The following CPT1B variants were observed in gnomAD, a reference collection of about 807,000 sequenced individuals.
The protein encoded by CPT1B is carnitine O-palmitoyltransferase 1, muscle isoform.
In CPT1B, 57 loss-of-function variants were observed where a neutral mutation model predicts 92.7. That is an observed-to-expected ratio of 0.62 (90% CI 0.50 to 0.77). The LOEUF is 0.77. Among genes scored for constraint, CPT1B ranks in the 30% least tolerant of loss-of-function variants. CPT1B has a pLI of 0.00. For missense variants in CPT1B, 983 were observed against 1,017.4 expected (o/e 0.97, Z 0.46); for synonymous variants, 398 against 383.5 (o/e 1.04, Z -0.44).
Position 50,573,401 on chromosome 22 carries a change from T to C in CPT1B, c.1166+119A>G, listed in dbSNP as rs2070278879. 3.4e-6 allele frequency: 3 copies of C among 887,268 alleles called. No individual in the cohort carries two copies. The highest frequency in any genetic ancestry group is 3.4e-6 in the Non-Finnish European group (2 of 584,688). 55.0% of individuals were successfully genotyped at this position (887,268 alleles called of 1,614,324 possible). A position where few individuals can be genotyped will look rare whatever the true frequency, so the allele number is the denominator to read the frequency against. ...GCTGTCCTGCTGCCATGACCACCAA[T>C]GCCCCTCCCCTAGTTGTGCCTCCAG... On this transcript the variant is annotated intron_variant, in intron 10 of 19. Transcript: ENST00000312108. The surrounding 1 kb of genome is among the most constrained non-coding windows in gnomAD (Gnocchi z 5.0).
chr22:50,572,905 T>C lies in CPT1B; in HGVS notation c.1322A>G (p.Lys441Arg). Residue 441 changes from lysine (K) to arginine (R), a missense_variant, in exon 11 of 20, where the codon AAG becomes AGG. By Grantham distance (26) the Lys-to-Arg change is conservative (BLOSUM62 2). Coordinates refer to ENST00000312108, the MANE Select transcript of CPT1B (RefSeq NM_152246.3). ...EDEASLSLYG[K>R]ALLHGNCYNR... is the part of the protein sequence containing the mutation. Reference sequence around the variant, plus strand: ...GTAGCAGTTGCCATGTAGCAGGGCCTTGCCATAGAGGCTGAGGCTGGCCTC... The same window carrying C: ...GTAGCAGTTGCCATGTAGCAGGGCCCTGCCATAGAGGCTGAGGCTGGCCTC... 1 of 1,610,908 alleles carries C rather than the reference T, an allele frequency of 6.2e-7. No homozygotes were observed. The highest frequency in any genetic ancestry group is 8.5e-7 in the Non-Finnish European group (1 of 1,177,420).
At position 50,573,628 on chromosome 22, in the gene CPT1B, C is replaced by A; in HGVS notation, c.1058G>T (p.Arg353Leu). ...FFKLWLYEGA[R>L]LLKPQDLEMQ... The stretch of plus-strand genomic sequence containing the variant: ...CTCCAGATCCTGAGGCTTGAGCAGA[C>A]GGGCGCCCTCATAGAGCCACAGCTT... The change falls in exon 10 of 20, where the codon CGT (arginine) becomes CTT (leucine). Residue 353 changes from arginine to leucine, a missense_variant. Arg to Leu is a moderately radical substitution (Grantham distance 102). Transcript: ENST00000312108. The surrounding 1 kb of genome is among the most constrained non-coding windows in gnomAD (Gnocchi z 5.0). 1 of 1,613,472 alleles carries A rather than the reference C, an allele frequency of 6.2e-7. No homozygotes were observed. The highest frequency in any genetic ancestry group is 1.1e-5 in the South Asian group (1 of 91,088).
rs7238 is a variant in CPT1B at position 50,569,059 on chromosome 22, A to G, written c.*25T>C. The G allele has an allele frequency of 0.17, 55,433 of 333,274 alleles. 9,182 individuals carry two copies. The highest frequency in any genetic ancestry group is 0.56 in the African/African-American group (25,688 of 45,866). The allele number at this position is 333,274 out of a possible 1,614,324, so 20.6% of individuals were successfully genotyped here. A position where few individuals can be genotyped will look rare whatever the true frequency, so the allele number is the denominator to read the frequency against. ...GAGGGGGAGGGCCTCCGAGTTCCCA[A>G]ACAAAACACAGGTACCTAAGGGCTG... On this transcript the variant is annotated 3_prime_UTR_variant, in exon 20 of 20. Transcript: ENST00000312108.
At chr22:50,572,332 A>G in intron 11 of CPT1B, 24 bp from the exon 12 acceptor site, 1 of 1,544,248 alleles carries the variant, frequency 6.5e-7, no homozygotes. Context: ...AGACACATGA[A>G]GAACCAAAGC....
rs750571393 is a variant in CPT1B at position 50,577,032 on chromosome 22, C to A, written c.284G>T (p.Cys95Phe). The change falls in exon 4 of 20, where the codon TGT becomes TTT. Residue 95 changes from cysteine (C) to phenylalanine (F), a missense_variant and splice_region_variant. By Grantham distance (205) the Cys-to-Phe change is radical. Transcript: ENST00000312108. ...GGTCTGCGGGGTCTGGTAGGGGCCA[C>A]ACCTATTGGAGAGGGGCAAGGGCTG... is the stretch of plus-strand genomic sequence containing the variant. ...SCIQRCLPQG[C>F]GPYQTPQTRA... The A allele has an allele frequency of 6.2e-7, 1 of 1,613,860 alleles. No individual in the cohort carries two copies. Among genetic ancestry groups the A allele is most frequent in the South Asian group, 1.1e-5 (1 of 91,086 alleles).
Position 50,570,907 on chromosome 22 carries a change from G to A in CPT1B, c.2012C>T (p.Ser671Phe), listed in dbSNP as rs942028894. The A allele has an allele frequency of 6.2e-7, 1 of 1,613,656 alleles. No individual in the cohort carries two copies. The highest frequency in any genetic ancestry group is 8.5e-7 in the Non-Finnish European group (1 of 1,179,984). Residue 671 changes from serine (S) to phenylalanine (F), a missense_variant, in exon 16 of 20, where the codon TCT becomes TTT. Coordinates refer to ENST00000312108, the MANE Select transcript of CPT1B (RefSeq NM_152246.3). Reference sequence around the variant, plus strand: ...GGTGCTGACCTCAGCAAGGAAAGGAGAGCTGACTCCTAGGTACTTGGAGAC... The same window carrying A: ...GGTGCTGACCTCAGCAAGGAAAGGAAAGCTGACTCCTAGGTACTTGGAGAC... ...YLVSKYLGVS[S>F]PFLAEVLSEP...
Position 50,572,910 on chromosome 22 carries a change from A to G in CPT1B, c.1317T>C (p.Tyr439=). Residue 439 remains tyrosine, a synonymous_variant, in exon 11 of 20, where the codon TAT becomes TAC. Coordinates refer to ENST00000312108, the MANE Select transcript of CPT1B (RefSeq NM_152246.3). ...AGTTGCCATGTAGCAGGGCCTTGCC[A>G]TAGAGGCTGAGGCTGGCCTCATCTT... ...DPEDEASLSL[Y]GKALLHGNCY... 6.2e-7 allele frequency: 1 copy of G among 1,611,504 alleles called. No individual in the cohort carries two copies. Among genetic ancestry groups the G allele is most frequent in the African/African-American group, 1.3e-5 (1 of 74,994 alleles).
chr22:50,571,759 GC>G (rs1783499891), intron 13 of CPT1B: 1 of 640,712 alleles, frequency 1.6e-6, no homozygotes, highest in Admixed American at 2.9e-5. Flanking sequence ...TGCTCCAGGG[GC>G]CTGTGAGTGC....
chr22:50,575,980 T>C, intron 7 of CPT1B, 55 bp downstream of exon 7: 1 of 1,556,434 alleles, frequency 6.4e-7, no homozygotes, highest in Middle Eastern at 1.8e-4. Context: ...ATCCCTTGCC[T>C]TGGAGCTGGG....
At chr22:50,574,698 T>C (rs2070353498) in intron 7 of CPT1B, 98 bp from the exon 8 acceptor site, 1 of 867,112 alleles carries the variant, frequency 1.2e-6, no homozygotes, top group Non-Finnish European at 1.9e-6. Flanking sequence ...CCTGAGGTGT[T>C]CTGTCTCCCT....
Position 50,573,636 on chromosome 22 carries a change from C to T in CPT1B, c.1050G>A (p.Glu350=). ...CCTGAGGCTTGAGCAGACGGGCGCC[C>T]TCATAGAGCCACAGCTTGAAGAAGC... is the stretch of plus-strand genomic sequence containing the variant. The part of the protein sequence containing the change: ...KGRFFKLWLY[E]GARLLKPQDL... The change falls in exon 10 of 20, where the codon GAG becomes GAA. Residue 350 remains glutamate, a synonymous_variant. Coordinates refer to ENST00000312108, the MANE Select transcript of CPT1B (RefSeq NM_152246.3). This position sits in a 1 kb window ranked among gnomAD's most constrained non-coding sequence, Gnocchi z 5.0. 1 of 1,613,464 alleles carries T rather than the reference C, an allele frequency of 6.2e-7. No individual in the cohort carries two copies. Among genetic ancestry groups the T allele is most frequent in the Non-Finnish European group, 8.5e-7 (1 of 1,179,998 alleles).
intron 1 of CPT1B, 168 bp downstream of exon 1, chr22:50,578,218 G>A (rs999430826): frequency 2.6e-5 from 4 of 154,726 alleles, no homozygotes; most frequent in Non-Finnish European, 4.3e-5. Flanking sequence ...GCGAGGGCGC[G>A]GGCAGGGGAG....
At chr22:50,576,359 G>A (rs768799630) in intron 5 of CPT1B, 24 bp from the exon 6 acceptor site, 9 of 1,613,634 alleles carry the variant, frequency 5.6e-6, no homozygotes, top group Middle Eastern at 3.3e-4. Flanking sequence ...TATCATCACC[G>A]TGGGGCCAGA....
chr22:50,573,184 C>G lies in CPT1B; in HGVS notation c.1167-124G>C. 1.3e-6 allele frequency: 1 copy of G among 791,972 alleles called. No homozygotes were observed. The highest frequency in any genetic ancestry group is 1.8e-5 in the South Asian group (1 of 56,260). 49.1% of individuals were successfully genotyped at this position (791,972 alleles called of 1,614,324 possible). On this transcript the variant is annotated intron_variant, in intron 10 of 19. Transcript: ENST00000312108. The surrounding 1 kb of genome is among the most constrained non-coding windows in gnomAD (Gnocchi z 5.0). ...CTGGACCTGGAGATGGGGGGTACCA[C>G]GCTGGACCTGGAGATGTGGGGGTGC...
Position 50,570,918 on chromosome 22 carries a change from T to C in CPT1B, c.2001A>G (p.Leu667=). The C allele has an allele frequency of 6.2e-7, 1 of 1,613,724 alleles. No homozygotes were observed. Among genetic ancestry groups the C allele is most frequent in the Non-Finnish European group, 8.5e-7 (1 of 1,179,998 alleles). ...LFCLYLVSKY[L]GVSSPFLAEV... ...CAGCAAGGAAAGGAGAGCTGACTCC[T>C]AGGTACTTGGAGACCAAGTAAAGGC... Residue 667 remains leucine, a synonymous_variant, in exon 16 of 20, where the codon CTA becomes CTG. Coordinates refer to ENST00000312108, the MANE Select transcript of CPT1B (RefSeq NM_152246.3).
At chr22:50,577,962 GCGCGCTTAGGCCGGC>G in intron 1 of CPT1B, 28 bp from the exon 2 acceptor site, 1 of 1,552,938 alleles carries the variant, frequency 6.4e-7, no homozygotes. Context: ...GGGTGCGCGG[GCGCGCTTAGGCCGGC>G]CCCGCCGCCA....
At position 50,576,552 on chromosome 22, in the gene CPT1B, G is replaced by C; in HGVS notation, c.545C>G (p.Ser182Ter). 6.2e-7 allele frequency: 1 copy of C among 1,604,806 alleles called. No individual in the cohort carries two copies. Among genetic ancestry groups the C allele is most frequent in the Non-Finnish European group, 8.5e-7 (1 of 1,175,610 alleles). ...SLPKLPVPRVSATIQRYLESV... is the reference protein window; with the variant it reads ...SLPKLPVPRV ...GGCCCTCACCCGCTGAATTGTGGCT[G>C]ACACCCTGGGCACAGGAAGCTTGGG... The change falls in exon 5 of 20, where the codon TCA (serine) becomes TGA (stop). Residue 182 changes from serine to a stop codon, truncating the protein, a stop_gained. Coordinates refer to ENST00000312108, the MANE Select transcript of CPT1B (RefSeq NM_152246.3). LOFTEE classifies it high-confidence loss of function.
At position 50,576,296 on chromosome 22, in the gene CPT1B, A is replaced by G; in HGVS notation, c.601T>C (p.Tyr201His). The G allele has an allele frequency of 6.2e-7, 1 of 1,613,998 alleles. No individual in the cohort carries two copies. The highest frequency in any genetic ancestry group is 1.7e-5 in the Admixed American group (1 of 60,014). The change falls in exon 6 of 20, where the codon TAT becomes CAT. Residue 201 changes from tyrosine to histidine, a missense_variant. Coordinates refer to ENST00000312108, the MANE Select transcript of CPT1B (RefSeq NM_152246.3). Reference protein sequence around the residue: ...SVRPLLDDEEYYRMELLAKEF... With the variant: ...SVRPLLDDEEHYRMELLAKEF... ...TTGGCCAGCAACTCCATGCGGTAAT[A>G]TTCCTCATCATCCAACAAGGGGCGC...
chr22:50,571,108 G>C, intron 15 of CPT1B, 50 bp downstream of exon 15: 1 of 1,611,848 alleles, frequency 6.2e-7, no homozygotes, highest in Non-Finnish European at 8.5e-7. Context: ...GAGGCAGAGG[G>C]GGCACCTCAC....
Sources: gnomAD v4.1 joint callset for allele counts on GRCh38, gnomAD v4.1.1 for gene constraint, Gnocchi (gnomAD v3.1) non-coding constraint, MANE v1.5 for transcripts, NCBI Gene and HGNC (gene_info 2026-07-23, HGNC 2026-07-21) for gene names.